PRKN: variants seen among roughly 807,000 people sequenced by gnomAD.
The protein encoded by PRKN is parkin RBR E3 ubiquitin protein ligase.
Under a neutral mutation model 59.5 loss-of-function variants are expected in PRKN, and 56 were observed. That is an observed-to-expected ratio of 0.94 (90% CI 0.76 to 1.18). The LOEUF is 1.18. PRKN is among the 50% of genes most tolerant of loss of function. The pLI is 0.00. For synonymous variants in PRKN, 250 were observed against 222.1 expected, an observed-to-expected ratio of 1.13 and a Z score of -1.12; for missense variants, 657 against 596.4, an observed-to-expected ratio of 1.10 and a Z score of -1.06.
intron 6 of PRKN, among the ~76,000 whole-genome samples, chr6:161,797,833 G>A (rs1201337124): frequency 1.3e-5 from 2 of 152,158 alleles, no homozygotes; most frequent in African/African-American, 2.4e-5. Context: ...CGTGTATCCA[G>A]AAAAGGATTG....
At chr6:161,880,586 G>A (rs529713542) in intron 6 of PRKN, among the ~76,000 whole-genome samples, 2 of 152,312 alleles carry the variant, frequency 1.3e-5, no homozygotes, top group East Asian at 3.9e-4. Flanking sequence ...TGCCTGGGGA[G>A]GAGCACCGGC....
chr6:162,190,727 T>A (rs1170069339), intron 4 of PRKN, among the ~76,000 whole-genome samples: 4 of 152,172 alleles, frequency 2.6e-5, no homozygotes, highest in Non-Finnish European at 5.9e-5. Flanking sequence ...GCCCCGCACA[T>A]TTTATCACTG....
intron 2 of PRKN, among the ~76,000 whole-genome samples, chr6:162,265,000 T>C (rs1780066090): frequency 6.6e-6 from 1 of 152,148 alleles, no homozygotes; most frequent in Admixed American, 6.5e-5. Context: ...ATAATAGCTT[T>C]GTAATTACTC....
At chr6:162,430,303 G>A (rs1789455737) in intron 2 of PRKN, among the ~76,000 whole-genome samples, 1 of 152,164 alleles carries the variant, frequency 6.6e-6, no homozygotes, top group Non-Finnish European at 1.5e-5. Context: ...CCATGAGGTA[G>A]ATAACACAAT....
chr6:162,501,514 A>ATT lies in PRKN; in HGVS notation c.8-58043_8-58042dup, dbSNP rs10596593. 2.8e-3 allele frequency among the ~76,000 whole-genome samples: 398 copies of ATT among 141,788 alleles called. 2 individuals are homozygous for ATT. Among genetic ancestry groups the ATT allele is most frequent in the African/African-American group, 9.4e-3 (357 of 38,134 alleles). The allele number at this position is 141,788 out of a possible 152,430, so 93.0% of individuals were successfully genotyped here. A position where few individuals can be genotyped will look rare whatever the true frequency, so the allele number is the denominator to read the frequency against. ...AGGCATGTGCCACCACGCCTGGTTAATTTTTTTTTTTTTTTTTTATTAGTA... is the reference window on the plus strand; with the variant it reads ...AGGCATGTGCCACCACGCCTGGTTAATTTTTTTTTTTTTTTTTTTTATTAGTA... On this transcript the variant is annotated intron_variant, in intron 1 of 11. Coordinates refer to ENST00000366898, the MANE Select transcript of PRKN (RefSeq NM_004562.3).
At chr6:161,539,559 TA>T (rs71004051) in intron 9 of PRKN, among the ~76,000 whole-genome samples, 102,337 of 151,976 alleles carry the variant, frequency 0.67, 35,032 homozygotes, top group Middle Eastern at 0.78. Flanking sequence ...TTCTACCTAA[TA>T]ATAATTATTG....
chr6:161,970,200 C>A (rs1390074524), intron 6 of PRKN, among the ~76,000 whole-genome samples: 3 of 151,924 alleles, frequency 2.0e-5, no homozygotes, highest in Non-Finnish European at 4.4e-5. Context: ...TGCCATCATG[C>A]CTGGCTAATT....
chr6:161,833,233 A>T (rs1224502985), intron 6 of PRKN, among the ~76,000 whole-genome samples: 1 of 151,204 alleles, frequency 6.6e-6, no homozygotes, highest in East Asian at 1.9e-4. Context: ...AGAAGCCGTG[A>T]TCCCTGGAAT....
intron 6 of PRKN, among the ~76,000 whole-genome samples, chr6:161,922,974 G>A (rs935276577): frequency 2.0e-5 from 3 of 152,150 alleles, no homozygotes; most frequent in African/African-American, 4.8e-5. Context: ...CTATGCTGAC[G>A]TTATGTCCTG....
At chr6:162,241,585 A>C (rs1277957760) in intron 3 of PRKN, among the ~76,000 whole-genome samples, 1 of 152,120 alleles carries the variant, frequency 6.6e-6, no homozygotes, top group Non-Finnish European at 1.5e-5. Flanking sequence ...GTGGGAAAAA[A>C]AGAAACATTG....
chr6:161,866,188 C>A lies in PRKN; in HGVS notation c.735-80280G>T, dbSNP rs191345881. Among the ~76,000 whole-genome samples, 27 of 152,274 alleles carry A rather than the reference C, an allele frequency of 1.8e-4. 1 individual carries two copies. The highest frequency in any genetic ancestry group is 1.5e-3 in the Admixed American group (23 of 15,280). On this transcript the variant is annotated intron_variant, in intron 6 of 11. Coordinates refer to ENST00000366898, the MANE Select transcript of PRKN (RefSeq NM_004562.3). ...TCTTATTTGGGCATGGTTTTTGGTA[C>A]TGCAAACAATTGCAACAGTAACCTC...
chr6:161,985,739 T>C (rs1195704225), intron 5 of PRKN, among the ~76,000 whole-genome samples: 2 of 152,178 alleles, frequency 1.3e-5, no homozygotes, highest in East Asian at 1.9e-4. Flanking sequence ...CAAGGCCTTG[T>C]AGACTTTCTA....
At chr6:162,429,804 CT>C (rs1324896828) in intron 2 of PRKN, among the ~76,000 whole-genome samples, 1 of 152,126 alleles carries the variant, frequency 6.6e-6, no homozygotes, top group African/African-American at 2.4e-5. Context: ...GGAGGAGACA[CT>C]TGGCAAGTAT....
chr6:162,318,495 G>T (rs978663024), intron 2 of PRKN, among the ~76,000 whole-genome samples: 9 of 152,028 alleles, frequency 5.9e-5, no homozygotes, highest in African/African-American at 2.2e-4. Flanking sequence ...AAATGAAATT[G>T]CTGGGTGATC....
rs1361527381 is a variant in PRKN, at chr6:161,538,776, G to A, written c.1083+10078C>T. On this transcript the variant is annotated intron_variant, in intron 9 of 11. Coordinates refer to ENST00000366898, the MANE Select transcript of PRKN (RefSeq NM_004562.3). The surrounding 1 kb of genome is among the most constrained non-coding windows in gnomAD (Gnocchi z 4.2). ...CCAAGAAAAGCCCTATTACCTCCCA[G>A]GAGCTTGTAGAGAGATTTGATTGAA... is the stretch of plus-strand genomic sequence containing the variant. Among the ~76,000 whole-genome samples the A allele has an allele frequency of 2.0e-5, 3 of 152,200 alleles. No homozygotes were observed. The highest frequency in any genetic ancestry group is 4.4e-5 in the Non-Finnish European group (3 of 68,034).
At chr6:161,930,082 A>G (rs952562667) in intron 6 of PRKN, among the ~76,000 whole-genome samples, 1 of 152,178 alleles carries the variant, frequency 6.6e-6, no homozygotes, top group Non-Finnish European at 1.5e-5. Flanking sequence ...GAAATAAAAC[A>G]ATGAGCCATA....
At chr6:162,011,146 A>T (rs900006500) in intron 5 of PRKN, among the ~76,000 whole-genome samples, 9 of 894 alleles carry the variant, frequency 0.01, 3 homozygotes, top group Non-Finnish European at 0.013. Flanking sequence ...TATAATATAT[A>T]TTATAATATA....
intron 2 of PRKN, among the ~76,000 whole-genome samples, chr6:162,318,736 G>GA (rs1463880881): frequency 6.6e-6 from 1 of 151,932 alleles, no homozygotes; most frequent in African/African-American, 2.4e-5. Flanking sequence ...GCGTGATTAT[G>GA]AAGATTTGAA....
chr6:161,917,056 C>T (rs1778592288), intron 6 of PRKN, among the ~76,000 whole-genome samples: 1 of 152,126 alleles, frequency 6.6e-6, no homozygotes, highest in East Asian at 1.9e-4. Context: ...TCTGCCTCCG[C>T]CTCCCAAAGT....
Sources: gnomAD v4.1 joint callset for allele counts (sites outside exome capture counted in the v4.1 genomes callset) on GRCh38, gnomAD v4.1.1 for gene constraint, Gnocchi (gnomAD v3.1) non-coding constraint, MANE v1.5 for transcripts, NCBI Gene and HGNC (gene_info 2026-07-23, HGNC 2026-07-21) for gene names.